MAGI2: variants seen among roughly 807,000 people sequenced by gnomAD.
The protein encoded by MAGI2 is membrane associated guanylate kinase, WW and PDZ domain containing 2.
A neutral mutation model predicts 133.3 loss-of-function variants in MAGI2; 35 were observed. The observed-to-expected ratio is 0.26, with a 90% confidence interval of 0.20 to 0.35. The LOEUF (loss-of-function observed/expected upper bound fraction) is 0.35. Ranked by LOEUF, MAGI2 falls within the 10% of genes least tolerant of loss-of-function variation. MAGI2 has a pLI of 1.00. For missense variants in MAGI2, 1,636 were observed against 1,863.4 expected, an observed-to-expected ratio of 0.88 and a Z score of 2.25; for synonymous variants, 729 against 710.6, an observed-to-expected ratio of 1.03 and a Z score of -0.41.
intron 20 of MAGI2, among the ~76,000 whole-genome samples, chr7:78,097,964 G>C (rs1375521562): frequency 1.3e-5 from 2 of 152,024 alleles, no homozygotes; most frequent in East Asian, 3.9e-4. Flanking sequence ...ACCCTTCTCA[G>C]ATTCATAAAT....
At chr7:78,853,738 A>C (rs1793378727) in intron 2 of MAGI2, among the ~76,000 whole-genome samples, 1 of 151,796 alleles carries the variant, frequency 6.6e-6, no homozygotes, top group African/African-American at 2.4e-5. Flanking sequence ...GAAAGTAAAA[A>C]GTTTACATTA....
chr7:78,714,131 A>G (rs917300113), intron 2 of MAGI2, among the ~76,000 whole-genome samples: 1 of 152,100 alleles, frequency 6.6e-6, no homozygotes, highest in Admixed American at 6.5e-5. Context: ...AATAGTGTAC[A>G]TAAACATATA....
At chr7:78,651,708 G>A (rs1156897234) in intron 2 of MAGI2, among the ~76,000 whole-genome samples, 2 of 152,084 alleles carry the variant, frequency 1.3e-5, no homozygotes, top group Non-Finnish European at 2.9e-5. Context: ...GCAATGAGAG[G>A]TCTTGAAATA....
At chr7:78,633,562 C>T (rs1020499773) in intron 2 of MAGI2, among the ~76,000 whole-genome samples, 3 of 151,822 alleles carry the variant, frequency 2.0e-5, no homozygotes, top group African/African-American at 4.8e-5. Flanking sequence ...AAAAATTAGC[C>T]GGGCGTGGTG....
At chr7:79,305,634 G>C (rs1002316724) in intron 1 of MAGI2, among the ~76,000 whole-genome samples, 1 of 152,040 alleles carries the variant, frequency 6.6e-6, no homozygotes, top group East Asian at 1.9e-4. Context: ...ATCTAGGCTG[G>C]TCACGGTGGC....
intron 5 of MAGI2, among the ~76,000 whole-genome samples, chr7:78,495,712 T>C (rs1794027596): frequency 6.6e-6 from 1 of 152,202 alleles, no homozygotes; most frequent in South Asian, 2.1e-4. Context: ...CTCTTAAGCA[T>C]ATGAATATTT....
chr7:78,262,725 G>A (rs995088189), intron 9 of MAGI2, among the ~76,000 whole-genome samples: 7 of 152,172 alleles, frequency 4.6e-5, no homozygotes, highest in African/African-American at 1.7e-4. Flanking sequence ...TATAAAAAGA[G>A]AGGATTGAAC....
intron 2 of MAGI2, among the ~76,000 whole-genome samples, chr7:78,723,065 T>G (rs535305646): frequency 1.3e-5 from 2 of 152,288 alleles, no homozygotes; most frequent in African/African-American, 4.8e-5. Flanking sequence ...CAGGCCACCT[T>G]AAGATATTAA....
chr7:78,814,356 T>C (rs1260011544), intron 2 of MAGI2, among the ~76,000 whole-genome samples: 1 of 152,230 alleles, frequency 6.6e-6, no homozygotes, highest in Non-Finnish European at 1.5e-5. Flanking sequence ...CGGTATAATC[T>C]GTATGTTCAC....
intron 1 of MAGI2, among the ~76,000 whole-genome samples, chr7:79,037,418 T>C (rs927754124): frequency 7.2e-5 from 11 of 152,080 alleles, no homozygotes; most frequent in African/African-American, 2.4e-5. Flanking sequence ...ACAACCCGAG[T>C]CCTGGAACTT....
intron 2 of MAGI2, among the ~76,000 whole-genome samples, chr7:78,677,056 C>T (rs1254454925): frequency 6.6e-6 from 1 of 151,998 alleles, no homozygotes; most frequent in Non-Finnish European, 1.5e-5. Flanking sequence ...TTTAACTTCC[C>T]ATTACTCTTT....
At chr7:79,100,273 C>A (rs187861953) in intron 1 of MAGI2, among the ~76,000 whole-genome samples, 5 of 152,086 alleles carry the variant, frequency 3.3e-5, no homozygotes, top group Admixed American at 3.3e-4. Flanking sequence ...AACCAAACTG[C>A]CTACATAAAT....
chr7:79,375,514 C>T (rs937217449), intron 1 of MAGI2, among the ~76,000 whole-genome samples: 1 of 151,864 alleles, frequency 6.6e-6, no homozygotes, highest in African/African-American at 2.4e-5. Flanking sequence ...TTAGTTTATC[C>T]TTCATGTGCT....
At chr7:79,059,318 G>C (rs1027125970) in intron 1 of MAGI2, among the ~76,000 whole-genome samples, 1 of 151,968 alleles carries the variant, frequency 6.6e-6, no homozygotes, top group African/African-American at 2.4e-5. Flanking sequence ...TGTATTCCTA[G>C]TGTCATCCAC....
At chr7:78,282,090 A>G (rs1040465214) in intron 9 of MAGI2, among the ~76,000 whole-genome samples, 7 of 152,148 alleles carry the variant, frequency 4.6e-5, no homozygotes, top group Admixed American at 2.6e-4. Context: ...TTAAGAGATG[A>G]TATATGGGAA....
intron 1 of MAGI2, among the ~76,000 whole-genome samples, chr7:79,373,063 G>C (rs1413537377): frequency 6.6e-6 from 1 of 152,010 alleles, no homozygotes; most frequent in East Asian, 1.9e-4. Flanking sequence ...ACAGGAGAGA[G>C]TAATTTTTGG....
At chr7:79,141,927 T>C (rs1822172607) in intron 1 of MAGI2, among the ~76,000 whole-genome samples, 1 of 152,230 alleles carries the variant, frequency 6.6e-6, no homozygotes, top group Non-Finnish European at 1.5e-5. Flanking sequence ...AATACTTTTA[T>C]GTAGACTAAT....
At chr7:79,126,838 T>C (rs1398518650) in intron 1 of MAGI2, among the ~76,000 whole-genome samples, 2 of 152,028 alleles carry the variant, frequency 1.3e-5, no homozygotes, top group African/African-American at 4.8e-5. Context: ...TTAGGATACA[T>C]GTGCACAACG....
chr7:78,484,784 T>C (rs1016526051), intron 6 of MAGI2: 1 of 152,000 alleles, frequency 6.6e-6, no homozygotes, highest in African/African-American at 2.4e-5. Context: ...GTGCTAGTCA[T>C]TGTGCTTCCA....
Sources: allele counts gnomAD v4.1 joint callset (sites outside exome capture counted in the v4.1 genomes callset), GRCh38; gene constraint gnomAD v4.1.1; transcripts MANE v1.5; gene names NCBI Gene and HGNC (gene_info 2026-07-23, HGNC 2026-07-21).